The following TRIM6 variants were observed in gnomAD, a reference collection of about 807,000 sequenced individuals.
TRIM6 encodes the protein tripartite motif containing 6.
Under a neutral mutation model 51.2 loss-of-function variants are expected in TRIM6, and 43 were observed. The ratio of observed to expected loss-of-function variants is 0.84; its 90% CI spans 0.66 to 1.08. The LOEUF (loss-of-function observed/expected upper bound fraction) is 1.08, where lower values mean the gene tolerates loss of function less well. Among genes scored for constraint, TRIM6 ranks in the 50% least tolerant of loss-of-function variants. The pLI is 0.00. For missense variants in TRIM6, 669 were observed against 619.0 expected, an observed-to-expected ratio of 1.08 and a Z score of -0.86; for synonymous variants, 215 against 232.4, an observed-to-expected ratio of 0.93 and a Z score of 0.68.
chr11:5,605,629 C>T, intron 4 of TRIM6, 62 bp downstream of exon 4: 1 of 1,516,660 alleles, frequency 6.6e-7, no homozygotes, highest in Non-Finnish European at 8.8e-7. Flanking sequence ...ACTTTCCTTC[C>T]TTTCTGGGAC....
Position 5,607,026 on chromosome 11 carries a change from AC to A in TRIM6, c.835-1342del, listed in dbSNP as rs1848254757. 2.0e-5 allele frequency among the ~76,000 whole-genome samples: 3 copies of A among 152,096 alleles called. No individual in the cohort carries two copies. The South Asian group carries it at 6.2e-4, about 32-fold the overall frequency. ...AGACCATCCTGGCTAACACGGTGAA[AC>A]CCCGTCTCTACTAAAAACACAAAAA... On this transcript the variant is annotated intron_variant, in intron 4 of 7. Transcript: ENST00000380097.
Position 5,603,304 on chromosome 11 carries a change from G to A in TRIM6, c.76G>A (p.Val26Ile). The A allele has an allele frequency of 6.2e-7, 1 of 1,614,134 alleles. No homozygotes were observed. Among genetic ancestry groups the A allele is most frequent in the Non-Finnish European group, 8.5e-7 (1 of 1,180,026 alleles). Residue 26 changes from valine to isoleucine, a missense_variant, in exon 2 of 8, where the codon GTA (valine) becomes ATA (isoleucine). Coordinates refer to ENST00000380097, the MANE Select transcript of TRIM6 (RefSeq NM_001003818.3). ...GGTTGGGCAGGCAGGAGCCAGGAGAGTAGCTACAATGACTTCACCAGTACT... is the reference window on the plus strand; with the variant it reads ...GGTTGGGCAGGCAGGAGCCAGGAGAATAGCTACAATGACTTCACCAGTACT... ...IRVGQAGARR[V>I]ATMTSPVLVD...
chr11:5,596,725 C>A lies in TRIM6; in HGVS notation c.-173C>A. 2 of 1,000,942 alleles carry A rather than the reference C, an allele frequency of 2.0e-6. No homozygotes were observed. The highest frequency in any genetic ancestry group is 2.8e-5 in the South Asian group (2 of 70,482). The allele number at this position is 1,000,942 out of a possible 1,614,324, so 62.0% of individuals were successfully genotyped here. A position where few individuals can be genotyped will look rare whatever the true frequency, so the allele number is the denominator to read the frequency against. On this transcript the variant is annotated 5_prime_UTR_variant, in exon 1 of 8. It adds an upstream start codon to the 5' untranslated region. Coordinates refer to ENST00000380097, the MANE Select transcript of TRIM6 (RefSeq NM_001003818.3). Reference sequence around the variant, plus strand: ...CAAAGGCTGGCGGAGGAGGGATCCCCTGCCTTTCTCGGAACGGAACGGAGC... The same window carrying A: ...CAAAGGCTGGCGGAGGAGGGATCCCATGCCTTTCTCGGAACGGAACGGAGC...
intron 1 of TRIM6, among the ~76,000 whole-genome samples, chr11:5,598,615 A>C (rs555202047): frequency 6.6e-6 from 1 of 152,314 alleles, no homozygotes. Flanking sequence ...AGATCCTTTA[A>C]CTTTTTTAAA....
At chr11:5,600,241 T>C (rs766720211) in intron 1 of TRIM6, among the ~76,000 whole-genome samples, 2 of 152,228 alleles carry the variant, frequency 1.3e-5, no homozygotes, top group Non-Finnish European at 2.9e-5. Flanking sequence ...AAAGATCTAC[T>C]AAATACCAGT....
Position 5,604,162 on chromosome 11 carries a change from T to TTG in TRIM6, c.508-359_508-358dup, listed in dbSNP as rs551033017. 8.0e-3 allele frequency among the ~76,000 whole-genome samples: 1,205 copies of TTG among 150,368 alleles called. 19 individuals carry two copies. The highest frequency in any genetic ancestry group is 0.037 in the Admixed American group (563 of 15,038). ...GGTGTGCACCACCATGCCCAGCTAA[T>TTG]TGTGTGTGTGTGTGCGTGTGTGTGT... On this transcript the variant is annotated intron_variant, in intron 2 of 7. Transcript: ENST00000380097.
intron 4 of TRIM6, among the ~76,000 whole-genome samples, chr11:5,605,977 CACCCCAGATGTGACA>C (rs541827516): frequency 1.5e-4 from 23 of 152,270 alleles, no homozygotes; most frequent in Admixed American, 5.9e-4. Context: ...TCAGCAGCAC[CACCCCAGATGTGACA>C]ACCCCAAATT....
chr11:5,609,635 A>G (rs11038336), intron 5 of TRIM6, among the ~76,000 whole-genome samples: 9,706 of 152,302 alleles, frequency 0.064, 347 homozygotes, highest in South Asian at 0.11. Context: ...TAAGAAGTTA[A>G]ATCTTGGACA....
Position 5,603,834 on chromosome 11 carries a change from T to C in TRIM6, c.507+99T>C, listed in dbSNP as rs976544514. The C allele has an allele frequency of 6.1e-6, 9 of 1,485,152 alleles. No individual in the cohort carries two copies. The African/African-American group carries it at 9.9e-5, about 16-fold the overall frequency. The allele number at this position is 1,485,152 out of a possible 1,614,324, so 92.0% of individuals were successfully genotyped here. On this transcript the variant is annotated intron_variant, in intron 2 of 7. Coordinates refer to ENST00000380097, the MANE Select transcript of TRIM6 (RefSeq NM_001003818.3). The stretch of plus-strand genomic sequence containing the variant: ...ATCTAATCTCTTTGTAGTCTTTATT[T>C]ACCTAGAGAATGAACCTGGAAACTG...
At chr11:5,599,645 C>A (rs913107999) in intron 1 of TRIM6, among the ~76,000 whole-genome samples, 1 of 152,116 alleles carries the variant, frequency 6.6e-6, no homozygotes, top group Non-Finnish European at 1.5e-5. Context: ...CCTTGTGATC[C>A]GCCTGCCTCA....
chr11:5,604,439 T>A (rs1848079808), intron 2 of TRIM6, 95 bp from the exon 3 acceptor site: 1 of 1,364,002 alleles, frequency 7.3e-7, no homozygotes, highest in African/African-American at 1.5e-5. Context: ...AGGCTTCTTT[T>A]GAGGTTAGCA....
chr11:5,607,418 G>A (rs1848291907), intron 4 of TRIM6, among the ~76,000 whole-genome samples: 1 of 152,138 alleles, frequency 6.6e-6, no homozygotes, highest in Non-Finnish European at 1.5e-5. Flanking sequence ...AGTTTGAGTT[G>A]TGCCTCTATG....
intron 1 of TRIM6, among the ~76,000 whole-genome samples, chr11:5,603,020 C>T (rs1318470771): frequency 1.3e-5 from 2 of 152,148 alleles, no homozygotes; most frequent in South Asian, 2.1e-4. Context: ...TCCAGGGCCT[C>T]AGTTTGTCTC....
rs1415031519 is a variant in TRIM6, at chr11:5,603,322, C to T, written c.94C>T (p.Pro32Ser). 12 of 1,613,962 alleles carry T rather than the reference C, an allele frequency of 7.4e-6. No individual in the cohort carries two copies. Among genetic ancestry groups the T allele is most frequent in the Non-Finnish European group, 1.0e-5 (12 of 1,180,010 alleles). The change falls in exon 2 of 8, where the codon CCA becomes TCA. Residue 32 changes from proline (P) to serine (S), a missense_variant. By Grantham distance (74) the Pro-to-Ser change is moderately conservative. Transcript: ENST00000380097. ...GARRVATMTS[P>S]VLVDIREEVT... is the part of the protein sequence containing the mutation. ...CAGGAGAGTAGCTACAATGACTTCACCAGTACTGGTGGACATACGAGAAGA... is the reference window on the plus strand; with the variant it reads ...CAGGAGAGTAGCTACAATGACTTCATCAGTACTGGTGGACATACGAGAAGA...
intron 1 of TRIM6, 123 bp downstream of exon 1, chr11:5,597,037 C>A: frequency 1.3e-6 from 2 of 1,515,730 alleles, no homozygotes; most frequent in Non-Finnish European, 9.0e-7. Flanking sequence ...TTTTCTTTCT[C>A]ACTGCAAATG....
Position 5,596,886 on chromosome 11 carries a change from C to T in TRIM6, c.-12C>T, listed in dbSNP as rs1303975191. On this transcript the variant is annotated 5_prime_UTR_variant, in exon 1 of 8. Coordinates refer to ENST00000380097, the MANE Select transcript of TRIM6 (RefSeq NM_001003818.3). ...GCTTACATCTGGAACTTCTTGGCTTCTCATTCCCCAGATGTGCGGGTCAGA... is the reference window on the plus strand; with the variant it reads ...GCTTACATCTGGAACTTCTTGGCTTTTCATTCCCCAGATGTGCGGGTCAGA... 1 of 1,614,048 alleles carries T rather than the reference C, an allele frequency of 6.2e-7. No individual in the cohort carries two copies. Among genetic ancestry groups the T allele is most frequent in the East Asian group, 2.2e-5 (1 of 44,858 alleles).
At position 5,611,637 on chromosome 11, in the gene TRIM6, G is replaced by A. The variant is rs1813324; in HGVS notation, c.*295G>A. 60,210 of 293,658 alleles carry A rather than the reference G, an allele frequency of 0.21. 6,692 individuals carry two copies. Among genetic ancestry groups the A allele is most frequent in the East Asian group, 0.31 (4,305 of 13,726 alleles). The allele number at this position is 293,658 out of a possible 1,614,324, so 18.2% of individuals were successfully genotyped here. On this transcript the variant is annotated 3_prime_UTR_variant, in exon 8 of 8. Coordinates refer to ENST00000380097, the MANE Select transcript of TRIM6 (RefSeq NM_001003818.3). ...CCCAACTAATTTTTGTATTTTTATA[G>A]AGATAGGGTTTCACCGTGTTGGCCA... is the stretch of plus-strand genomic sequence containing the variant.
rs1188549421 is a variant in TRIM6 at position 5,610,913 on chromosome 11, C to T, written c.1122C>T (p.Gly374=). Reference sequence around the variant, plus strand: ...AGCATTATGACTGTAGTGTCCTGGGCTCCCAGCACTTCTCCTCTGGTAAGC... The same window carrying T: ...AGCATTATGACTGTAGTGTCCTGGGTTCCCAGCACTTCTCCTCTGGTAAGC... ...LEKHYDCSVL[G]SQHFSSGKHY... is the part of the protein sequence containing the mutation. Residue 374 remains glycine (G), a synonymous_variant, in exon 8 of 8, where the codon GGC becomes GGT. Coordinates refer to ENST00000380097, the MANE Select transcript of TRIM6 (RefSeq NM_001003818.3). 1 of 1,614,180 alleles carries T rather than the reference C, an allele frequency of 6.2e-7. No individual in the cohort carries two copies. Among genetic ancestry groups the T allele is most frequent in the Admixed American group, 1.7e-5 (1 of 60,022 alleles).
chr11:5,605,179 G>A (rs560650294), intron 3 of TRIM6, 158 bp from the exon 4 acceptor site: 1 of 981,218 alleles, frequency 1.0e-6, no homozygotes, highest in Non-Finnish European at 1.6e-6. Flanking sequence ...AAGAAGGAAA[G>A]AACAGGCTAC....
Sources: allele counts gnomAD v4.1 joint callset (sites outside exome capture counted in the v4.1 genomes callset), GRCh38; gene constraint gnomAD v4.1.1; transcripts MANE v1.5; gene names NCBI Gene and HGNC (gene_info 2026-07-23, HGNC 2026-07-21).